PLXND1: variants seen among roughly 807,000 people sequenced by gnomAD.
PLXND1 encodes plexin D1, also known as plexin-D1.
A neutral mutation model predicts 197.7 loss-of-function variants in PLXND1; 54 were observed. The observed-to-expected ratio is 0.27, with a 90% confidence interval of 0.22 to 0.34. The LOEUF is 0.34. Ranked by LOEUF, PLXND1 falls within the 10% of genes least tolerant of loss-of-function variation. The pLI is 1.00. For synonymous variants in PLXND1, 1,180 were observed against 1,161.2 expected, an observed-to-expected ratio of 1.02 and a Z score of -0.33; for missense variants, 2,127 against 2,699.2, an observed-to-expected ratio of 0.79 and a Z score of 4.70.
At position 129,605,370 on chromosome 3, in the gene PLXND1, GCACCACGCTGTCGAGCACCGC is replaced by G; in HGVS notation, c.1249_1269del (p.Ala417_Val423del). 6.7e-7 allele frequency: 1 copy of G among 1,498,052 alleles called. No homozygotes were observed. Among genetic ancestry groups the G allele is most frequent in the Non-Finnish European group, 8.8e-7 (1 of 1,132,066 alleles). The allele number at this position is 1,498,052 out of a possible 1,614,324, so 92.8% of individuals were successfully genotyped here. A position where few individuals can be genotyped will look rare whatever the true frequency, so the allele number is the denominator to read the frequency against. ...CGCTCACAGGCCGGTCCCGTGCCCTGCACCACGCTGTCGAGCACCGCCACCACGTCGGGCGCCGGTTCCACG... is the reference window on the plus strand; with the variant it reads ...CGCTCACAGGCCGGTCCCGTGCCCTGCACCACGTCGGGCGCCGGTTCCACG... On this transcript the variant is annotated inframe_deletion, in exon 1 of 36. Coordinates refer to ENST00000324093, the MANE Select transcript of PLXND1 (RefSeq NM_015103.3).
intron 23 of PLXND1, 138 bp from the exon 24 acceptor site, chr3:129,566,155 C>T: frequency 1.2e-6 from 1 of 819,300 alleles, no homozygotes; most frequent in African/African-American, 1.7e-5. Flanking sequence ...TGCCTCCTAA[C>T]CTTTGTGACA....
chr3:129,603,134 A>G (rs940059624), intron 1 of PLXND1, among the ~76,000 whole-genome samples: 4 of 152,218 alleles, frequency 2.6e-5, no homozygotes, highest in African/African-American at 9.6e-5. Context: ...GCCTGTGCCC[A>G]CAGCGGGCAC....
intron 8 of PLXND1, among the ~76,000 whole-genome samples, chr3:129,581,716 C>A (rs558164973): frequency 6.3e-4 from 96 of 152,356 alleles, no homozygotes; most frequent in Non-Finnish European, 9.3e-4. Context: ...CCACAGCTCA[C>A]ACCTGAGGCT....
Position 129,555,265 on chromosome 3 carries a change from G to GC in PLXND1, c.*1046dup. 1 of 471,258 alleles carries GC rather than the reference G, an allele frequency of 2.1e-6. No homozygotes were observed. The allele number at this position is 471,258 out of a possible 1,614,324, so 29.2% of individuals were successfully genotyped here. On this transcript the variant is annotated 3_prime_UTR_variant, in exon 36 of 36. Transcript: ENST00000324093. ...TAAAGAAGATTCCAGAGTCCCAGCT[G>GC]CCCCCCTCCAGCCCCCATGGGCTCT...
chr3:129,605,726 G>T lies in PLXND1; in HGVS notation c.914C>A (p.Ala305Glu). 1 of 1,543,014 alleles carries T rather than the reference G, an allele frequency of 6.5e-7. No homozygotes were observed. Among genetic ancestry groups the T allele is most frequent in the Admixed American group, 2.0e-5 (1 of 50,708 alleles). ...CTGGCTCTCCTTGTCGCCCGCGCGCGCCTCGCTGTTGAGCGCCAGGTACGC... is the reference window on the plus strand; with the variant it reads ...CTGGCTCTCCTTGTCGCCCGCGCGCTCCTCGCTGTTGAGCGCCAGGTACGC... ...SYAYLALNSE[A>E]RAGDKESQAR... Residue 305 changes from alanine to glutamate, a missense_variant, in exon 1 of 36, where the codon GCG (alanine) becomes GAG (glutamate). By Grantham distance (107) the Ala-to-Glu change is moderately radical. This residue lies in a region of PLXND1 where 1,095 missense variants were observed against 1,259.8 expected (regional missense o/e 0.87). Transcript: ENST00000324093.
intron 2 of PLXND1, 41 bp downstream of exon 2, chr3:129,589,310 T>TGGCCCCCCCCCCCCCCCCCCCCCAA: frequency 2.0e-6 from 1 of 501,294 alleles, no homozygotes; most frequent in Non-Finnish European, 3.8e-6. Flanking sequence ...CAGGGGAGCC[T>TGGCCCCCCCCCCCCCCCCCCCCCAA]CCCACCCCCA....
Position 129,557,975 on chromosome 3 carries a change from G to T in PLXND1, c.5445+453C>A, listed in dbSNP as rs376962737. Reference sequence around the variant, plus strand: ...CAGCCTTGTGTGCCCCCAACACACCGCATGAATCTCAGAGCTCCTAGCCAC... The same window carrying T: ...CAGCCTTGTGTGCCCCCAACACACCTCATGAATCTCAGAGCTCCTAGCCAC... On this transcript the variant is annotated intron_variant, in intron 33 of 35. Coordinates refer to ENST00000324093, the MANE Select transcript of PLXND1 (RefSeq NM_015103.3). The surrounding 1 kb of genome is among the most constrained non-coding windows in gnomAD (Gnocchi z 4.8). Among the ~76,000 whole-genome samples, 1 of 152,124 alleles carries T rather than the reference G, an allele frequency of 6.6e-6. No individual in the cohort carries two copies. Among genetic ancestry groups the T allele is most frequent in the African/African-American group, 2.4e-5 (1 of 41,430 alleles).
rs1157687213 is a variant in PLXND1 at position 129,606,611 on chromosome 3, G to A, written c.29C>T (p.Pro10Leu). MAPRAAGGA[P>L]LSARAAAASP... The stretch of plus-strand genomic sequence containing the variant: ...GGCGGCGGCGGCCCGGGCGCTAAGG[G>A]GTGCGCCGCCCGCGGCGCGAGGAGC... The change falls in exon 1 of 36, where the codon CCC (proline) becomes CTC (leucine). Residue 10 changes from proline to leucine, a missense_variant. By Grantham distance (98) the Pro-to-Leu change is moderately conservative (BLOSUM62 -3). Coordinates refer to ENST00000324093, the MANE Select transcript of PLXND1 (RefSeq NM_015103.3). The A allele has an allele frequency of 8.5e-7, 1 of 1,177,674 alleles. No homozygotes were observed. Among genetic ancestry groups the A allele is most frequent in the South Asian group, 4.2e-5 (1 of 23,902 alleles). The allele number at this position is 1,177,674 out of a possible 1,614,324, so 73.0% of individuals were successfully genotyped here.
chr3:129,571,331 C>A (rs929561423), intron 17 of PLXND1, 28 bp from the exon 18 acceptor site: 57 of 1,601,394 alleles, frequency 3.6e-5, no homozygotes, highest in Non-Finnish European at 4.9e-5. Context: ...GGGGCCCAGG[C>A]CGGGATGCAG....
In PLXND1 at chr3:129,558,922, G is replaced by A. The variant is rs1177547716; in HGVS notation, c.5298-347C>T. Among the ~76,000 whole-genome samples the A allele has an allele frequency of 3.9e-5, 6 of 152,120 alleles. No homozygotes were observed. Among genetic ancestry groups the A allele is most frequent in the South Asian group, 2.1e-4 (1 of 4,832 alleles). On this transcript the variant is annotated intron_variant, in intron 32 of 35. Transcript: ENST00000324093. The surrounding 1 kb of genome is among the most constrained non-coding windows in gnomAD (Gnocchi z 4.1). The stretch of plus-strand genomic sequence containing the variant: ...AACCCTTGCAGGCAGCAGGAAGTCC[G>A]ACATTAGCAGAGCAGCTGTGGCAGG...
rs75212171 is a variant in PLXND1 at position 129,604,479 on chromosome 3, T to C, written c.1311+850A>G. 9.3e-3 allele frequency among the ~76,000 whole-genome samples: 1,413 copies of C among 152,318 alleles called. 12 individuals are homozygous for C. The highest frequency in any genetic ancestry group is 0.014 in the Non-Finnish European group (971 of 68,030). On this transcript the variant is annotated intron_variant, in intron 1 of 35. Transcript: ENST00000324093. Reference sequence around the variant, plus strand: ...CTGTTTCTTCATCTGTAAAATGTGATGAGAATAGAGGCTACCTGAGAGGGT... The same window carrying C: ...CTGTTTCTTCATCTGTAAAATGTGACGAGAATAGAGGCTACCTGAGAGGGT...
At chr3:129,583,760 C>A in intron 7 of PLXND1, 91 bp from the exon 8 acceptor site, 1 of 832,996 alleles carries the variant, frequency 1.2e-6, no homozygotes, top group South Asian at 1.5e-5. Context: ...CAGATCCCAG[C>A]ACAGGGAAAG....
intron 1 of PLXND1, among the ~76,000 whole-genome samples, chr3:129,592,242 G>A (rs1053927994): frequency 6.6e-6 from 1 of 152,184 alleles, no homozygotes; most frequent in Non-Finnish European, 1.5e-5. Flanking sequence ...GCCCCAACCA[G>A]GCGGGGTCCC....
At chr3:129,580,811 C>T (rs2085376727) in intron 8 of PLXND1, among the ~76,000 whole-genome samples, 1 of 151,950 alleles carries the variant, frequency 6.6e-6, no homozygotes, top group African/African-American at 2.4e-5. Flanking sequence ...TCCACCTGGT[C>T]CCTCCCTACG....
chr3:129,589,662 G>T (rs2085509934), intron 1 of PLXND1, 135 bp from the exon 2 acceptor site: 2 of 750,798 alleles, frequency 2.7e-6, no homozygotes, highest in South Asian at 3.7e-5. Flanking sequence ...TCAGTGCTCA[G>T]CTGAGGCCCA....
At chr3:129,593,290 A>G (rs2085573737) in intron 1 of PLXND1, among the ~76,000 whole-genome samples, 1 of 151,896 alleles carries the variant, frequency 6.6e-6, no homozygotes, top group Non-Finnish European at 1.5e-5. Flanking sequence ...CGCTGCGCCC[A>G]CCACATCAGT....
At chr3:129,598,114 T>C (rs1244732189) in intron 1 of PLXND1, among the ~76,000 whole-genome samples, 1 of 152,184 alleles carries the variant, frequency 6.6e-6, no homozygotes, top group African/African-American at 2.4e-5. Flanking sequence ...TCCAAGTCTT[T>C]AGCCTGCAGG....
chr3:129,605,487 G>T lies in PLXND1; in HGVS notation c.1153C>A (p.Pro385Thr). The T allele has an allele frequency of 1.3e-6, 2 of 1,494,812 alleles. No homozygotes were observed. Among genetic ancestry groups the T allele is most frequent in the East Asian group, 5.4e-5 (2 of 36,946 alleles). 92.6% of individuals were successfully genotyped at this position (1,494,812 alleles called of 1,614,324 possible). A position where few individuals can be genotyped will look rare whatever the true frequency, so the allele number is the denominator to read the frequency against. ...PQGSPAARAA[P>T]AALCAFRFAD... ...AAGCGGAAGGCGCAGAGTGCGGCCG[G>T]AGCAGCGCGGGCCGCGGGGGACCCC... The change falls in exon 1 of 36, where the codon CCG becomes ACG. Residue 385 changes from proline (P) to threonine (T), a missense_variant. This residue lies in a region of PLXND1 where 1,095 missense variants were observed against 1,259.8 expected (regional missense o/e 0.87). Transcript: ENST00000324093.
chr3:129,561,489 T>G (rs1329021664), intron 29 of PLXND1, among the ~76,000 whole-genome samples, 157 bp downstream of exon 29: 1 of 152,102 alleles, frequency 6.6e-6, no homozygotes, highest in Non-Finnish European at 1.5e-5. Flanking sequence ...CCAGCAGTAC[T>G]GGGTCAGAGG....
Sources: allele counts gnomAD v4.1 joint callset (sites outside exome capture counted in the v4.1 genomes callset), GRCh38; gene constraint gnomAD v4.1.1; regional missense constraint gnomAD v4.1.1; non-coding constraint Gnocchi (gnomAD v3.1); transcripts MANE v1.5; gene names NCBI Gene and HGNC (gene_info 2026-07-23, HGNC 2026-07-21).